The following P3H2 variants were observed in gnomAD, a reference collection of about 807,000 sequenced individuals.
P3H2 encodes the protein leprecan-like 1.
Under a neutral mutation model 87.0 loss-of-function variants are expected in P3H2, and 80 were observed. The ratio of observed to expected loss-of-function variants is 0.92; its 90% CI spans 0.77 to 1.11. P3H2 has a LOEUF of 1.11. Ranked by LOEUF, P3H2 falls within the 50% of genes least tolerant of loss-of-function variation. P3H2 has a pLI of 0.00. For synonymous variants in P3H2, 367 were observed against 359.3 expected (o/e 1.02, Z -0.24); for missense variants, 1,001 against 923.9 (o/e 1.08, Z -1.08).
intron 1 of P3H2, among the ~76,000 whole-genome samples, chr3:190,027,518 G>T (rs747547072): frequency 9.2e-5 from 14 of 151,820 alleles, no homozygotes; most frequent in Admixed American, 3.9e-4. Context: ...AGAGAAAGAG[G>T]TCATTAATTA....
At chr3:190,038,525 G>A (rs1203007498) in intron 1 of P3H2, among the ~76,000 whole-genome samples, 1 of 143,026 alleles carries the variant, frequency 7.0e-6, no homozygotes, top group Non-Finnish European at 1.5e-5. Flanking sequence ...AACCCAAACA[G>A]GAGTAGAAAA....
At chr3:190,108,423 T>G (rs1711934529) in intron 1 of P3H2, among the ~76,000 whole-genome samples, 1 of 152,214 alleles carries the variant, frequency 6.6e-6, no homozygotes, top group South Asian at 2.1e-4. Context: ...AAATGTCACT[T>G]GGAGGTCAAA....
At chr3:189,991,985 AC>A (rs1723891688) in intron 3 of P3H2, among the ~76,000 whole-genome samples, 1 of 147,794 alleles carries the variant, frequency 6.8e-6, no homozygotes, top group Non-Finnish European at 1.5e-5. Flanking sequence ...TTAGGAGATA[AC>A]CTCTATCCAA....
At chr3:190,019,438 C>T (rs1254918353) in intron 1 of P3H2, among the ~76,000 whole-genome samples, 5 of 152,082 alleles carry the variant, frequency 3.3e-5, no homozygotes, top group Non-Finnish European at 5.9e-5. Flanking sequence ...TATTCAGTGA[C>T]ATTTATTTAT....
chr3:190,083,499 T>C (rs1560393506), intron 1 of P3H2, among the ~76,000 whole-genome samples: 1 of 152,200 alleles, frequency 6.6e-6, no homozygotes, highest in Non-Finnish European at 1.5e-5. Context: ...CAAAGGATTT[T>C]TAACTGGCAA....
At chr3:190,117,639 T>G (rs1006619814) in intron 1 of P3H2, among the ~76,000 whole-genome samples, 2 of 148,514 alleles carry the variant, frequency 1.3e-5, no homozygotes, top group African/African-American at 5.1e-5. Flanking sequence ...TTTTATTATT[T>G]GAGAGGTTTT....
chr3:190,091,908 A>G (rs2108986183), intron 1 of P3H2, among the ~76,000 whole-genome samples: 1 of 152,350 alleles, frequency 6.6e-6, no homozygotes, highest in African/African-American at 2.4e-5. Flanking sequence ...ACTGATGTGC[A>G]TTAAATAAGT....
intron 8 of P3H2, among the ~76,000 whole-genome samples, chr3:189,975,742 G>C (rs1016256030): frequency 2.0e-5 from 3 of 152,176 alleles, no homozygotes; most frequent in African/African-American, 7.2e-5. Context: ...AGTCAGCCTA[G>C]GGAAGAGCAC....
chr3:190,022,976 A>C (rs991813635), intron 1 of P3H2, among the ~76,000 whole-genome samples: 14 of 152,068 alleles, frequency 9.2e-5, no homozygotes, highest in African/African-American at 2.9e-4. Context: ...ACAGGCACCC[A>C]CCACCACGCC....
chr3:189,966,381 G>A (rs913214252), intron 13 of P3H2, among the ~76,000 whole-genome samples: 6 of 152,140 alleles, frequency 3.9e-5, no homozygotes, highest in African/African-American at 1.4e-4. Flanking sequence ...TCTTTCTTCT[G>A]GAATTGAAAG....
chr3:189,959,428 CCA>C (rs1316440195), intron 14 of P3H2, among the ~76,000 whole-genome samples: 1 of 131,254 alleles, frequency 7.6e-6, no homozygotes, highest in Admixed American at 8.4e-5. Flanking sequence ...ACAACAGTCC[CCA>C]GAGTGTGATA....
At chr3:190,005,614 CT>C (rs1724363437) in intron 1 of P3H2, among the ~76,000 whole-genome samples, 1 of 152,210 alleles carries the variant, frequency 6.6e-6, no homozygotes, top group South Asian at 2.1e-4. Flanking sequence ...AATCAAAAGC[CT>C]TTCCACTTGT....
intron 1 of P3H2, among the ~76,000 whole-genome samples, chr3:190,054,096 A>G (rs1016187320): frequency 1.3e-5 from 2 of 152,208 alleles, no homozygotes; most frequent in Admixed American, 6.5e-5. Context: ...CTTAGCCACT[A>G]TGCTGCATTA....
intron 1 of P3H2, among the ~76,000 whole-genome samples, chr3:190,003,472 T>G (rs1371105249): frequency 1.3e-5 from 2 of 148,700 alleles, no homozygotes; most frequent in African/African-American, 5.0e-5. Context: ...TAGAGACTAT[T>G]AAAAATGAAA....
chr3:190,109,036 G>C (rs1711964751), intron 1 of P3H2, among the ~76,000 whole-genome samples: 1 of 152,212 alleles, frequency 6.6e-6, no homozygotes, highest in Non-Finnish European at 1.5e-5. Context: ...GTGGAAGAAA[G>C]ACAAACATCT....
At chr3:190,038,486 GAAAAAAAAAA>G (rs57971408) in intron 1 of P3H2, among the ~76,000 whole-genome samples, 1 of 92,622 alleles carries the variant, frequency 1.1e-5, no homozygotes, top group African/African-American at 4.1e-5. Flanking sequence ...ACTGCAGAAT[GAAAAAAAAAA>G]AAAAAAAAAA....
At chr3:189,965,503 G>C (rs1435147715) in intron 13 of P3H2, among the ~76,000 whole-genome samples, 2 of 152,302 alleles carry the variant, frequency 1.3e-5, no homozygotes, top group East Asian at 3.9e-4. Context: ...AGAGTGATTT[G>C]TCTTTGCTGG....
At chr3:189,966,141 AAGAAAGAAAG>A (rs1560339099) in intron 13 of P3H2, among the ~76,000 whole-genome samples, 68 of 131,172 alleles carry the variant, frequency 5.2e-4, no homozygotes, top group East Asian at 9.5e-4. Context: ...GAAAGAAAGA[AAGAAAGAAAG>A]AAAGAAAGAA....
At chr3:189,961,914 C>T (rs1271590167) in intron 14 of P3H2, among the ~76,000 whole-genome samples, 7 of 152,146 alleles carry the variant, frequency 4.6e-5, no homozygotes, top group African/African-American at 1.2e-4. Context: ...GATTAAATGT[C>T]TGCTGAATTG....
Sources: gnomAD v4.1 joint callset for allele counts (sites outside exome capture counted in the v4.1 genomes callset) on GRCh38, gnomAD v4.1.1 for gene constraint, MANE v1.5 for transcripts, NCBI Gene and HGNC (gene_info 2026-07-23, HGNC 2026-07-21) for gene names.